The following RANBP2 variants were observed in gnomAD, a reference collection of about 807,000 sequenced individuals.
RANBP2 encodes the protein RAN binding protein 2.
RANBP2 carries 57 observed loss-of-function variants against 303.6 expected under a neutral mutation model. The observed-to-expected ratio is 0.19, with a 90% CI of 0.15 to 0.23. The LOEUF is 0.23. Among genes scored for constraint, RANBP2 ranks in the 10% least tolerant of loss-of-function variants. The pLI, the probability that RANBP2 is intolerant of heterozygous loss-of-function variation, is 1.00. For synonymous variants in RANBP2, 1,167 were observed against 1,301.5 expected, an observed-to-expected ratio of 0.90 and a Z score of 2.23; for missense variants, 3,138 against 3,780.8, an observed-to-expected ratio of 0.83 and a Z score of 4.46.
At chr2:108,885,870 G>C in the RANBP2 span, among the ~76,000 whole-genome samples, 1 of 152,252 alleles carries the variant, frequency 6.6e-6, no homozygotes, top group Non-Finnish European at 1.5e-5. Context: ...ACATTTGTCT[G>C]TTTTGCTTGG....
intron 16 of RANBP2, 32 bp from the exon 17 acceptor site, chr2:108,755,144 A>T: frequency 6.2e-7 from 1 of 1,611,910 alleles, no homozygotes; most frequent in East Asian, 2.2e-5. Flanking sequence ...AAGTGTTTTA[A>T]ATGCTGTTTT....
At chr2:109,594,662 G>C in the RANBP2 span, 1 of 152,254 alleles carries the variant, frequency 6.6e-6, no homozygotes, top group Non-Finnish European at 1.5e-5. Context: ...CAATGAAAGA[G>C]AGAACCTGGG....
the RANBP2 span, among the ~76,000 whole-genome samples, chr2:109,688,824 GT>G: frequency 1.4e-5 from 2 of 138,758 alleles, no homozygotes; most frequent in Middle Eastern, 3.5e-3. Flanking sequence ...ATGTAAAATT[GT>G]TTCCTCTTCC....
the RANBP2 span, among the ~76,000 whole-genome samples, chr2:108,843,211 G>A: frequency 6.6e-6 from 1 of 152,108 alleles, no homozygotes; most frequent in African/African-American, 2.4e-5. Flanking sequence ...AGGCTAGAGT[G>A]CAGTGGCATG....
chr2:109,080,976 A>C, the RANBP2 span, among the ~76,000 whole-genome samples: 2 of 152,086 alleles, frequency 1.3e-5, no homozygotes, highest in African/African-American at 4.8e-5. Context: ...AACATTCAAA[A>C]CTCACAGATT....
At chr2:108,798,611 G>C in the RANBP2 span, 70 of 1,523,882 alleles carry the variant, frequency 4.6e-5, no homozygotes, top group Non-Finnish European at 5.9e-5. Flanking sequence ...TTTGATTTTA[G>C]AGTGGTATAT....
the RANBP2 span, among the ~76,000 whole-genome samples, chr2:108,933,419 C>T: frequency 6.6e-6 from 1 of 152,070 alleles, no homozygotes; most frequent in African/African-American, 2.4e-5. Context: ...GAAGGGGGTC[C>T]CAGGGGAGAT....
chr2:109,503,073 T>C, the RANBP2 span: 5 of 152,140 alleles, frequency 3.3e-5, no homozygotes, highest in Admixed American at 6.5e-5. Context: ...CTGATGAATG[T>C]ATATTCATTA....
At chr2:109,414,859 T>C in the RANBP2 span, among the ~76,000 whole-genome samples, 1 of 152,094 alleles carries the variant, frequency 6.6e-6, no homozygotes, top group Non-Finnish European at 1.5e-5. Flanking sequence ...ATCTTGTTGG[T>C]GGAGAAGGGA....
At chr2:109,302,121 G>A in the RANBP2 span, among the ~76,000 whole-genome samples, 3 of 152,230 alleles carry the variant, frequency 2.0e-5, no homozygotes, top group Admixed American at 2.0e-4. Context: ...AGAATGGAGA[G>A]GCTGGTCATT....
At chr2:109,659,011 G>A in the RANBP2 span, among the ~76,000 whole-genome samples, 1,334 of 152,234 alleles carry the variant, frequency 8.8e-3, 23 homozygotes, top group African/African-American at 0.03. Flanking sequence ...GCTGCAGTAA[G>A]CCAAGATCAC....
the RANBP2 span, among the ~76,000 whole-genome samples, chr2:109,249,504 T>C: frequency 3.2e-5 from 1 of 30,946 alleles, no homozygotes; most frequent in Non-Finnish European, 5.3e-5. Context: ...TTTCTTTCTT[T>C]CTTTCATTCT....
the RANBP2 span, among the ~76,000 whole-genome samples, chr2:109,368,789 T>G: frequency 6.6e-6 from 1 of 152,124 alleles, no homozygotes; most frequent in East Asian, 1.9e-4. Flanking sequence ...TTGTTTTTAA[T>G]TTTTATAAAA....
the RANBP2 span, among the ~76,000 whole-genome samples, chr2:109,539,983 A>G: frequency 6.6e-6 from 1 of 152,120 alleles, no homozygotes; most frequent in Non-Finnish European, 1.5e-5. Context: ...GGCTGCCACA[A>G]ACTTTTAGAC....
chr2:109,501,708 A>C, the RANBP2 span: 2 of 723,628 alleles, frequency 2.8e-6, no homozygotes, highest in Non-Finnish European at 5.1e-6. Flanking sequence ...ACAGAGGGGG[A>C]GGCCGCCTGG....
chr2:108,769,011 CTGAG>C (rs537275104), intron 20 of RANBP2, among the ~76,000 whole-genome samples: 12 of 149,994 alleles, frequency 8.0e-5, no homozygotes, highest in South Asian at 6.3e-4. Context: ...TCCAGCCTGA[CTGAG>C]TGACTGAGAC....
At chr2:109,546,012 T>A in the RANBP2 span, 1 of 1,529,618 alleles carries the variant, frequency 6.5e-7, no homozygotes, top group African/African-American at 1.4e-5. Flanking sequence ...GTGACAAGTG[T>A]GGGCAGGGCT....
At chr2:109,623,529 CT>C in the RANBP2 span, among the ~76,000 whole-genome samples, 27 of 152,224 alleles carry the variant, frequency 1.8e-4, no homozygotes, top group Admixed American at 1.7e-3. Flanking sequence ...CTATCTGGAG[CT>C]TCCCCTGACT....
the RANBP2 span, among the ~76,000 whole-genome samples, chr2:109,383,536 T>A: frequency 6.6e-6 from 1 of 152,200 alleles, no homozygotes; most frequent in Non-Finnish European, 1.5e-5. Context: ...TTCCAATGGA[T>A]AGGGTGCAGG....
Sources: gnomAD v4.1 joint callset for allele counts (sites outside exome capture counted in the v4.1 genomes callset) on GRCh38, gnomAD v4.1.1 for gene constraint, MANE v1.5 for transcripts, NCBI Gene and HGNC (gene_info 2026-07-23, HGNC 2026-07-21) for gene names.